The following NCAM2 variants were observed in gnomAD, a reference collection of about 807,000 sequenced individuals.
The protein encoded by NCAM2 is N-CAM-2.
Under a neutral mutation model 98.1 loss-of-function variants are expected in NCAM2, and 30 were observed. The ratio of observed to expected loss-of-function variants is 0.31; its 90% CI spans 0.23 to 0.41. The LOEUF (loss-of-function observed/expected upper bound fraction) is 0.41. NCAM2 is among the 10% of genes least tolerant of loss of function. The pLI, the probability that NCAM2 is intolerant of heterozygous loss-of-function variation, is 1.00. For missense variants in NCAM2, 867 were observed against 1,005.8 expected, an observed-to-expected ratio of 0.86 and a Z score of 1.87; for synonymous variants, 368 against 342.4, an observed-to-expected ratio of 1.07 and a Z score of -0.83.
intron 1 of NCAM2, among the ~76,000 whole-genome samples, chr21:21,272,560 A>G (rs560816070): frequency 9.1e-4 from 138 of 151,762 alleles, no homozygotes; most frequent in Middle Eastern, 3.4e-3. Context: ...GATAAATTCA[A>G]TACCTGACCT....
intron 1 of NCAM2, among the ~76,000 whole-genome samples, chr21:21,056,634 CAG>C (rs1286871271): frequency 2.6e-5 from 4 of 151,692 alleles, no homozygotes; most frequent in Non-Finnish European, 4.4e-5. Flanking sequence ...AAAGAAAAAA[CAG>C]AGGTGTGACA....
intron 1 of NCAM2, among the ~76,000 whole-genome samples, chr21:21,274,172 A>G (rs1256852268): frequency 6.6e-6 from 1 of 151,946 alleles, no homozygotes; most frequent in African/African-American, 2.4e-5. Flanking sequence ...TCTGAAAAAA[A>G]AAAAAAAAAA....
chr21:21,162,599 A>G (rs2146788777), intron 1 of NCAM2, among the ~76,000 whole-genome samples: 1 of 152,268 alleles, frequency 6.6e-6, no homozygotes, highest in South Asian at 2.1e-4. Context: ...TCAAGTTCGT[A>G]CAATTTGTCT....
chr21:21,265,975 A>G (rs891401583), intron 1 of NCAM2, among the ~76,000 whole-genome samples: 1 of 152,164 alleles, frequency 6.6e-6, no homozygotes, highest in Admixed American at 6.6e-5. Context: ...TAATGATTGA[A>G]TGAAAAATAT....
At chr21:21,348,310 C>A (rs974183189) in intron 8 of NCAM2, among the ~76,000 whole-genome samples, 1 of 152,068 alleles carries the variant, frequency 6.6e-6, no homozygotes, top group East Asian at 1.9e-4. Context: ...TTTTATATGT[C>A]AGCAGTGAAG....
intron 1 of NCAM2, among the ~76,000 whole-genome samples, chr21:21,140,525 T>C (rs918883262): frequency 6.6e-6 from 1 of 152,180 alleles, no homozygotes; most frequent in Admixed American, 6.5e-5. Context: ...TTATAAAATA[T>C]GAAATAAATA....
intron 1 of NCAM2, among the ~76,000 whole-genome samples, chr21:21,066,517 C>G (rs558488947): frequency 1.3e-5 from 2 of 152,024 alleles, no homozygotes; most frequent in Non-Finnish European, 2.9e-5. Flanking sequence ...TGGGACACAG[C>G]TAAAAAATGA....
rs75772438 is a variant in NCAM2, at chr21:21,349,107, C to T, written c.1044+10573C>T. ...AGTGGGATCACATCAAATTAAAAGC[C>T]TTCTGCACATCAAAGGTTACAATCA... is the stretch of plus-strand genomic sequence containing the variant. On this transcript the variant is annotated intron_variant, in intron 8 of 17. Coordinates refer to ENST00000400546, the MANE Select transcript of NCAM2 (RefSeq NM_004540.5). 5.8e-3 allele frequency among the ~76,000 whole-genome samples: 886 copies of T among 152,192 alleles called. 3 individuals are homozygous for T. The highest frequency in any genetic ancestry group is 0.01 in the Non-Finnish European group (697 of 67,986).
At position 21,316,604 on chromosome 21, in the gene NCAM2, C is replaced by T. The variant is rs534299965; in HGVS notation, c.620-7779C>T. 1.1e-3 allele frequency among the ~76,000 whole-genome samples: 150 copies of T among 130,518 alleles called. 3 individuals are homozygous for T. The highest frequency in any genetic ancestry group is 9.2e-4 in the Admixed American group (10 of 10,884). 85.6% of individuals were successfully genotyped at this position (130,518 alleles called of 152,430 possible). ...ATGTTGGAGTGCAATGGTGTGATCT[C>T]GGCTCACTACAACCCTACAACCTCT... On this transcript the variant is annotated intron_variant, in intron 5 of 17. Coordinates refer to ENST00000400546, the MANE Select transcript of NCAM2 (RefSeq NM_004540.5).
intron 1 of NCAM2, among the ~76,000 whole-genome samples, chr21:21,189,153 A>G (rs1569127000): frequency 6.6e-6 from 1 of 152,202 alleles, no homozygotes; most frequent in African/African-American, 2.4e-5. Context: ...TTTGCCTTTA[A>G]TCCCATAGAA....
rs973009435 is a variant in NCAM2 at position 21,147,183 on chromosome 21, C to A, written c.56-133395C>A. ...TCCCACACCGGAGCTGGTACCGCTG[C>A]CTTCTACTTCAGCACATGGAACTCT... On this transcript the variant is annotated intron_variant, in intron 1 of 17. Coordinates refer to ENST00000400546, the MANE Select transcript of NCAM2 (RefSeq NM_004540.5). The A allele has an allele frequency of 1.0e-5, 10 of 973,666 alleles. No individual in the cohort carries two copies. In the East Asian group the frequency reaches 1.1e-3, roughly 104 times the overall value. The allele number at this position is 973,666 out of a possible 1,614,324, so 60.3% of individuals were successfully genotyped here. A position where few individuals can be genotyped will look rare whatever the true frequency, so the allele number is the denominator to read the frequency against.
At chr21:21,493,709 T>C (rs1987008527) in intron 15 of NCAM2, among the ~76,000 whole-genome samples, 1 of 151,964 alleles carries the variant, frequency 6.6e-6, no homozygotes, top group South Asian at 2.1e-4. Context: ...AAATCCTCTC[T>C]TCCTCCCTCC....
intron 1 of NCAM2, among the ~76,000 whole-genome samples, chr21:21,063,358 C>T (rs1177171118): frequency 6.6e-6 from 1 of 151,052 alleles, no homozygotes; most frequent in African/African-American, 2.4e-5. Flanking sequence ...GTAGCTGGGT[C>T]TACAGGCATG....
chr21:21,070,636 A>G (rs9975341), intron 1 of NCAM2, among the ~76,000 whole-genome samples: 5,644 of 152,244 alleles, frequency 0.037, 328 homozygotes, highest in African/African-American at 0.13. Context: ...TGTTCTTCAT[A>G]TTATAGGTAA....
At chr21:21,375,732 G>T (rs138690105) in intron 9 of NCAM2, among the ~76,000 whole-genome samples, 1 of 150,018 alleles carries the variant, frequency 6.7e-6, no homozygotes, top group East Asian at 2.0e-4. Flanking sequence ...TTTTCTAAAT[G>T]TGAATCTAAA....
chr21:21,086,774 T>A (rs1569008158), intron 1 of NCAM2, among the ~76,000 whole-genome samples: 1 of 152,132 alleles, frequency 6.6e-6, no homozygotes, highest in Non-Finnish European at 1.5e-5. Context: ...GCCAAACTTG[T>A]ATTTGTGTGA....
At chr21:21,108,647 T>A (rs930204807) in intron 1 of NCAM2, among the ~76,000 whole-genome samples, 2 of 152,140 alleles carry the variant, frequency 1.3e-5, no homozygotes, top group Non-Finnish European at 2.9e-5. Flanking sequence ...TGAATAATAA[T>A]GTTCAGCAGA....
intron 5 of NCAM2, among the ~76,000 whole-genome samples, chr21:21,309,183 C>T (rs1193114946): frequency 2.0e-5 from 3 of 152,028 alleles, no homozygotes; most frequent in Non-Finnish European, 4.4e-5. Context: ...TATATTTTAT[C>T]CTCATTATAT....
intron 11 of NCAM2, among the ~76,000 whole-genome samples, chr21:21,429,887 T>C (rs575759822): frequency 5.3e-5 from 8 of 152,264 alleles, no homozygotes; most frequent in African/African-American, 1.9e-4. Context: ...AGTATTCACA[T>C]GTGAAAGGCC....
Sources: gnomAD v4.1 joint callset for allele counts (sites outside exome capture counted in the v4.1 genomes callset) on GRCh38, gnomAD v4.1.1 for gene constraint, MANE v1.5 for transcripts, NCBI Gene and HGNC (gene_info 2026-07-23, HGNC 2026-07-21) for gene names.